Variants in PDE1A observed in about 807,000 individuals in gnomAD.
PDE1A encodes the protein dual specificity calcium/calmodulin-dependent 3',5'-cyclic nucleotide phosphodiesterase 1A.
A neutral mutation model predicts 61.7 loss-of-function variants in PDE1A; 35 were observed. The ratio of observed to expected loss-of-function variants is 0.57; its 90% CI spans 0.43 to 0.75. The LOEUF (loss-of-function observed/expected upper bound fraction) is 0.75, where lower values mean the gene tolerates loss of function less well. Among genes scored for constraint, PDE1A ranks in the 30% least tolerant of loss-of-function variants. PDE1A has a pLI of 0.00. For synonymous variants in PDE1A, 232 were observed against 213.2 expected, an observed-to-expected ratio of 1.09 and a Z score of -0.77; for missense variants, 597 against 630.6, an observed-to-expected ratio of 0.95 and a Z score of 0.57.
At chr2:182,568,657 G>A in the PDE1A span, among the ~76,000 whole-genome samples, 14 of 152,066 alleles carry the variant, frequency 9.2e-5, no homozygotes, top group African/African-American at 3.1e-4. Flanking sequence ...ACAGTGAGAC[G>A]CCGTCTCAAA....
intron 1 of PDE1A, among the ~76,000 whole-genome samples, chr2:182,332,286 G>A (rs1697465966): frequency 6.6e-6 from 1 of 151,996 alleles, no homozygotes; most frequent in South Asian, 2.1e-4. Flanking sequence ...TTCTTGCATT[G>A]GGTTAGAACA....
At chr2:182,397,469 T>C (rs1022107767) in intron 1 of PDE1A, among the ~76,000 whole-genome samples, 2 of 152,278 alleles carry the variant, frequency 1.3e-5, no homozygotes, top group African/African-American at 4.8e-5. Context: ...TTAAAAATGG[T>C]ATTTTTCAAT....
the PDE1A span, among the ~76,000 whole-genome samples, chr2:182,641,768 T>C: frequency 2.6e-5 from 4 of 152,216 alleles, no homozygotes; most frequent in Non-Finnish European, 5.9e-5. Context: ...ATATTTATTG[T>C]TACTATTCTT....
At chr2:182,360,081 C>G (rs1242431157) in intron 1 of PDE1A, among the ~76,000 whole-genome samples, 1 of 152,072 alleles carries the variant, frequency 6.6e-6, no homozygotes, top group Non-Finnish European at 1.5e-5. Flanking sequence ...ATGCATGACT[C>G]TGGGCTCCTT....
At chr2:182,679,405 T>TA in the PDE1A span, among the ~76,000 whole-genome samples, 1 of 149,104 alleles carries the variant, frequency 6.7e-6, no homozygotes, top group Non-Finnish European at 1.5e-5. Flanking sequence ...TTCACCGTGT[T>TA]AGCCAGGCTG....
At chr2:182,699,013 A>T in the PDE1A span, among the ~76,000 whole-genome samples, 1 of 152,220 alleles carries the variant, frequency 6.6e-6, no homozygotes, top group African/African-American at 2.4e-5. Context: ...ATCAGGCAGT[A>T]ACACTGTTAT....
intron 13 of PDE1A, among the ~76,000 whole-genome samples, chr2:182,170,104 A>G (rs1692051688): frequency 1.3e-5 from 2 of 152,024 alleles, no homozygotes; most frequent in African/African-American, 4.8e-5. Context: ...ATTTAACTAA[A>G]CCAACCCATC....
chr2:182,502,084 A>C (rs1689114113), intron 2 of PDE1A, among the ~76,000 whole-genome samples: 1 of 152,150 alleles, frequency 6.6e-6, no homozygotes, highest in Non-Finnish European at 1.5e-5. Flanking sequence ...CACTCCTCTC[A>C]GGTGACTCCA....
chr2:182,494,798 A>C (rs1366163505), intron 2 of PDE1A, among the ~76,000 whole-genome samples: 1 of 152,076 alleles, frequency 6.6e-6, no homozygotes, highest in Non-Finnish European at 1.5e-5. Flanking sequence ...ACTAGGCTCC[A>C]GGGGAAAGGA....
At chr2:182,314,450 G>A (rs1196854361) in intron 1 of PDE1A, 2 of 152,036 alleles carry the variant, frequency 1.3e-5, no homozygotes, top group Non-Finnish European at 2.9e-5. Flanking sequence ...TCAGAAACAG[G>A]GCAGGTCAAA....
the PDE1A span, among the ~76,000 whole-genome samples, chr2:182,528,270 G>A: frequency 7.9e-4 from 121 of 152,266 alleles, no homozygotes; most frequent in African/African-American, 2.8e-3. Flanking sequence ...TAGAGATGAG[G>A]AACTTGTTCG....
At chr2:182,459,092 A>G (rs1437293656) in intron 2 of PDE1A, among the ~76,000 whole-genome samples, 1 of 152,150 alleles carries the variant, frequency 6.6e-6, no homozygotes, top group Non-Finnish European at 1.5e-5. Flanking sequence ...TTGGTTTATC[A>G]CAATTTTTAT....
intron 1 of PDE1A, among the ~76,000 whole-genome samples, chr2:182,277,332 A>G (rs1025424585): frequency 2.0e-5 from 3 of 152,084 alleles, no homozygotes; most frequent in African/African-American, 7.2e-5. Context: ...CATTTCTCAG[A>G]TCAGCCAACA....
chr2:182,189,891 A>C (rs1396930114), intron 10 of PDE1A, among the ~76,000 whole-genome samples: 1 of 152,160 alleles, frequency 6.6e-6, no homozygotes, highest in African/African-American at 2.4e-5. Flanking sequence ...TGTTCATTTC[A>C]ATTTCCTGGC....
the PDE1A span, among the ~76,000 whole-genome samples, chr2:182,636,594 A>C: frequency 6.6e-6 from 1 of 152,232 alleles, no homozygotes; most frequent in Non-Finnish European, 1.5e-5. Context: ...TTTTGCTTTC[A>C]TCAGTACATG....
At chr2:182,522,485 T>C (rs1461043199) in intron 1 of PDE1A, 4 of 1,550,974 alleles carry the variant, frequency 2.6e-6, no homozygotes, top group East Asian at 2.3e-5. Flanking sequence ...CTCTTATCTA[T>C]CAAAACAGTG....
chr2:182,281,262 C>T (rs1693784444), intron 1 of PDE1A, among the ~76,000 whole-genome samples: 1 of 151,824 alleles, frequency 6.6e-6, no homozygotes, highest in African/African-American at 2.4e-5. Context: ...AGTTCTATAA[C>T]ACGGATGCTG....
At chr2:182,523,347 G>A (rs915008375), upstream of PDE1A, among the ~76,000 whole-genome samples, 2 of 152,080 alleles carry the variant, frequency 1.3e-5, no homozygotes, top group Non-Finnish European at 2.9e-5. Flanking sequence ...ATGGTTTGCG[G>A]CTTGTGCATT....
chr2:182,348,406 G>C (rs1191854822), intron 1 of PDE1A, among the ~76,000 whole-genome samples: 1 of 152,064 alleles, frequency 6.6e-6, no homozygotes, highest in Non-Finnish European at 1.5e-5. Flanking sequence ...TCAGGATTCT[G>C]TGACCTCTGA....
Sources: allele counts gnomAD v4.1 joint callset (sites outside exome capture counted in the v4.1 genomes callset), GRCh38; gene constraint gnomAD v4.1.1; transcripts MANE v1.5; gene names NCBI Gene and HGNC (gene_info 2026-07-23, HGNC 2026-07-21).